The following PAXIP1 variants were observed in gnomAD, a reference collection of about 807,000 sequenced individuals.
PAXIP1 encodes PAX interacting protein 1.
In PAXIP1, 19 loss-of-function variants were observed where a neutral mutation model predicts 140.6. That is an observed-to-expected ratio of 0.14 (90% confidence interval 0.09 to 0.20). The LOEUF is 0.20. PAXIP1 is among the 10% of genes least tolerant of loss of function. The probability of loss-of-function intolerance (pLI) is 1.00; values close to 1 mark genes in which losing one functional copy is unlikely to be tolerated. For missense variants in PAXIP1, 920 were observed against 1,208.6 expected (o/e 0.76, Z 3.54); for synonymous variants, 442 against 444.6 (o/e 0.99, Z 0.07).
chr7:154,959,883 G>A lies in PAXIP1; in HGVS notation c.2478+7C>T. On this transcript the variant is annotated splice_region_variant and intron_variant, in intron 13 of 20. Coordinates refer to ENST00000404141, the MANE Select transcript of PAXIP1 (RefSeq NM_007349.4). ...ATAGCCAAGGTAAGGTTATTAATTT[G>A]ACATACCATCAACAACTCTGCAGAC... is the stretch of plus-strand genomic sequence containing the variant. 6.3e-7 allele frequency: 1 copy of A among 1,577,122 alleles called. No homozygotes were observed. The highest frequency in any genetic ancestry group is 8.7e-7 in the Non-Finnish European group (1 of 1,146,680).
intron 2 of PAXIP1, among the ~76,000 whole-genome samples, chr7:154,997,847 C>T (rs1291140054): frequency 2.6e-5 from 4 of 152,224 alleles, no homozygotes; most frequent in Non-Finnish European, 4.4e-5. Context: ...TAATGGGGGA[C>T]GCCCTTCAGC....
rs1336359304 is a variant in PAXIP1 at position 154,963,399 on chromosome 7, C to T, written c.1989+272G>A. On this transcript the variant is annotated intron_variant, in intron 9 of 20. Transcript: ENST00000404141. The surrounding 1 kb of genome is among the most constrained non-coding windows in gnomAD (Gnocchi z 4.1). ...CCAGGTTGGTCAGGCTGGTCTCAAA[C>T]GCCTGACCTCGTGACCCGTCCACCT... Among the ~76,000 whole-genome samples, 6 of 152,126 alleles carry T rather than the reference C, an allele frequency of 3.9e-5. No individual in the cohort carries two copies. The highest frequency in any genetic ancestry group is 1.9e-4 in the East Asian group (1 of 5,190).
chr7:154,961,324 T>C (rs1808745365), intron 11 of PAXIP1, among the ~76,000 whole-genome samples: 2 of 152,234 alleles, frequency 1.3e-5, no homozygotes. Context: ...TCAAATTTCA[T>C]TAGTTCATCT....
rs1304615245 is a variant in PAXIP1, at chr7:155,002,930, G to A, written c.-1C>T. 1.5e-6 allele frequency: 2 copies of A among 1,315,396 alleles called. No homozygotes were observed. Among genetic ancestry groups the A allele is most frequent in the Non-Finnish European group, 2.0e-6 (2 of 1,007,362 alleles). The allele number at this position is 1,315,396 out of a possible 1,614,324, so 81.5% of individuals were successfully genotyped here. The stretch of plus-strand genomic sequence containing the variant: ...GAACTTTGGGCGCCTGGTCCGACAT[G>A]ATCGCGGCGGCCCGGGAGGCTCCGC... On this transcript the variant is annotated 5_prime_UTR_variant, in exon 1 of 21. Transcript: ENST00000404141.
chr7:154,981,577 T>C (rs561086074), intron 5 of PAXIP1, among the ~76,000 whole-genome samples: 2 of 152,314 alleles, frequency 1.3e-5, no homozygotes, highest in East Asian at 3.9e-4. Flanking sequence ...CATAATACAT[T>C]ATATATATCA....
At position 154,944,076 on chromosome 7, in the gene PAXIP1, G is replaced by A. The variant is rs770866436; in HGVS notation, c.*73C>T. 2.6e-5 allele frequency: 38 copies of A among 1,458,798 alleles called. No individual in the cohort carries two copies. Among genetic ancestry groups the A allele is most frequent in the East Asian group, 2.3e-4 (10 of 43,606 alleles). 90.4% of individuals were successfully genotyped at this position (1,458,798 alleles called of 1,614,324 possible). On this transcript the variant is annotated 3_prime_UTR_variant, in exon 21 of 21. Coordinates refer to ENST00000404141, the MANE Select transcript of PAXIP1 (RefSeq NM_007349.4). ...GAAAACAAGAGCATGTGAAGGAAGC[G>A]CAGCAGCTCCTCGCCAGCCAGACAG...
At chr7:154,990,956 T>TATGTGACACATA in intron 4 of PAXIP1, 50 bp downstream of exon 4, 1 of 1,119,444 alleles carries the variant, frequency 8.9e-7, no homozygotes, top group Non-Finnish European at 1.3e-6. Context: ...ATACAAAAAC[T>TATGTGACACATA]CAGAAGTGTC....
intron 4 of PAXIP1, among the ~76,000 whole-genome samples, chr7:154,990,037 C>CTTTTTTTTT (rs749788206): frequency 1.8e-5 from 2 of 109,938 alleles, no homozygotes; most frequent in Non-Finnish European, 3.6e-5. Context: ...ATAAGTTTCT[C>CTTTTTTTTT]TTTTTTTTTT....
chr7:154,964,105 CAG>C, intron 8 of PAXIP1: 1 of 193,342 alleles, frequency 5.2e-6, no homozygotes, highest in South Asian at 1.1e-4. Flanking sequence ...GGATGTTTGG[CAG>C]TGTCCCCAAC....
At chr7:154,999,105 G>A (rs1449537942) in intron 1 of PAXIP1, among the ~76,000 whole-genome samples, 1 of 152,208 alleles carries the variant, frequency 6.6e-6, no homozygotes, top group Non-Finnish European at 1.5e-5. Context: ...CTGCGGTGGG[G>A]CCACGCACAT....
rs748774849 is a variant in PAXIP1, at chr7:154,963,788, A to G, written c.1894-22T>C. 3 of 1,544,882 alleles carry G rather than the reference A, an allele frequency of 1.9e-6. No individual in the cohort carries two copies. Among genetic ancestry groups the G allele is most frequent in the South Asian group, 1.1e-5 (1 of 88,626 alleles). On this transcript the variant is annotated intron_variant, in intron 8 of 20. Coordinates refer to ENST00000404141, the MANE Select transcript of PAXIP1 (RefSeq NM_007349.4). This position sits in a 1 kb window ranked among gnomAD's most constrained non-coding sequence, Gnocchi z 4.1. ...TTATCTACACACAAAGACCCGACCA[A>G]TGCAGTCATCAATCACTCAGAATAG... is the stretch of plus-strand genomic sequence containing the variant.
At chr7:154,961,725 T>C (rs543736398) in intron 10 of PAXIP1, 77 bp from the exon 11 acceptor site, 4 of 1,192,210 alleles carry the variant, frequency 3.4e-6, no homozygotes, top group Non-Finnish European at 4.7e-6. Context: ...TTCTACTTCT[T>C]AGTTGATACA....
At chr7:154,999,905 G>A (rs1328864124) in intron 1 of PAXIP1, among the ~76,000 whole-genome samples, 1 of 152,184 alleles carries the variant, frequency 6.6e-6, no homozygotes, top group Non-Finnish European at 1.5e-5. Flanking sequence ...TGATACTTCA[G>A]GGACAGGTAG....
In PAXIP1 at chr7:154,966,913, T is replaced by C. The variant is rs148450623; in HGVS notation, c.1893+903A>G. The stretch of plus-strand genomic sequence containing the variant: ...TGAGGCACCCTCCTTTGCACCCTCC[T>C]GTCAGTTTCACCAATCACATGCCTT... On this transcript the variant is annotated intron_variant, in intron 8 of 20. Coordinates refer to ENST00000404141, the MANE Select transcript of PAXIP1 (RefSeq NM_007349.4). Among the ~76,000 whole-genome samples the C allele has an allele frequency of 8.5e-5, 13 of 152,348 alleles. No individual in the cohort carries two copies. In the East Asian group the frequency reaches 2.5e-3, roughly 29 times the overall value.
Position 154,975,930 on chromosome 7 carries a change from C to G in PAXIP1, c.840G>C (p.Arg280Ser), listed in dbSNP as rs755315757. 1.9e-6 allele frequency: 3 copies of G among 1,613,842 alleles called. No individual in the cohort carries two copies. Among genetic ancestry groups the G allele is most frequent in the South Asian group, 2.2e-5 (2 of 91,078 alleles). Residue 280 changes from arginine (R) to serine (S), a missense_variant, in exon 6 of 21, where the codon AGG becomes AGC. Physicochemically the swap from Arg to Ser is moderately radical, Grantham distance 110. Coordinates refer to ENST00000404141, the MANE Select transcript of PAXIP1 (RefSeq NM_007349.4). ...ACCCAGGCTCCTTTCCCTGAGGCAGCCTGCGTTTTGCTGCAGCTAACTGTG... is the reference window on the plus strand; with the variant it reads ...ACCCAGGCTCCTTTCCCTGAGGCAGGCTGCGTTTTGCTGCAGCTAACTGTG... ...EVPQLAAAKR[R>S]LPQGKEPGLI...
At chr7:154,981,123 GAAA>G (rs572385333) in intron 5 of PAXIP1, among the ~76,000 whole-genome samples, 1 of 147,036 alleles carries the variant, frequency 6.8e-6, no homozygotes, top group Non-Finnish European at 1.5e-5. Context: ...TCTGTCTCAA[GAAA>G]AAAAAAAATT....
intron 6 of PAXIP1, among the ~76,000 whole-genome samples, chr7:154,974,864 G>A (rs1809494433): frequency 6.6e-6 from 1 of 151,886 alleles, no homozygotes; most frequent in Non-Finnish European, 1.5e-5. Flanking sequence ...AACTTTTAAG[G>A]CCATGCGTGG....
chr7:154,974,141 A>G (rs966151900), intron 6 of PAXIP1: 1 of 152,316 alleles, frequency 6.6e-6, no homozygotes, highest in African/African-American at 2.4e-5. Context: ...AAAGAAACTT[A>G]GGTTCTTCAA....
intron 5 of PAXIP1, among the ~76,000 whole-genome samples, chr7:154,979,668 AATAATTAAT>A (rs1210881273): frequency 1.3e-5 from 2 of 150,728 alleles, no homozygotes; most frequent in Non-Finnish European, 3.0e-5. Context: ...TAATGTAAAT[AATAATTAAT>A]ATAATTAATA....
Sources: allele counts gnomAD v4.1 joint callset (sites outside exome capture counted in the v4.1 genomes callset), GRCh38; gene constraint gnomAD v4.1.1; non-coding constraint Gnocchi (gnomAD v3.1); transcripts MANE v1.5; gene names NCBI Gene and HGNC (gene_info 2026-07-23, HGNC 2026-07-21).